IQGAP2: variants seen among roughly 807,000 people sequenced by gnomAD.
The protein encoded by IQGAP2 is ras GTPase-activating-like protein IQGAP2.
In IQGAP2, 173 loss-of-function variants were observed where a neutral mutation model predicts 201.3. The observed-to-expected ratio is 0.86, with a 90% CI of 0.76 to 0.98. The LOEUF (loss-of-function observed/expected upper bound fraction) is 0.98. Among genes scored for constraint, IQGAP2 ranks in the 50% least tolerant of loss-of-function variants. The pLI, the probability that IQGAP2 is intolerant of heterozygous loss-of-function variation, is 0.00. For missense variants in IQGAP2, 1,687 were observed against 1,864.8 expected (o/e 0.90, Z 1.76); for synonymous variants, 675 against 673.9 (o/e 1.00, Z -0.03).
chr5:76,482,823 A>G (rs1316980979), intron 2 of IQGAP2, among the ~76,000 whole-genome samples: 1 of 152,218 alleles, frequency 6.6e-6, no homozygotes, highest in Non-Finnish European at 1.5e-5. Flanking sequence ...TTCTCAAACA[A>G]TGTATGAACC....
At chr5:76,670,470 C>T (rs1465134234) in intron 23 of IQGAP2, among the ~76,000 whole-genome samples, 3 of 152,194 alleles carry the variant, frequency 2.0e-5, no homozygotes, top group African/African-American at 4.8e-5. Context: ...GCTGAGATCG[C>T]GCCACTGCAC....
intron 2 of IQGAP2, among the ~76,000 whole-genome samples, chr5:76,554,590 T>C (rs1475555504): frequency 1.3e-5 from 2 of 152,118 alleles, no homozygotes; most frequent in Non-Finnish European, 2.9e-5. Flanking sequence ...ATCAGGGAAA[T>C]GAAAATCAAA....
At chr5:76,635,556 T>A (rs951485188) in intron 15 of IQGAP2, among the ~76,000 whole-genome samples, 3 of 152,010 alleles carry the variant, frequency 2.0e-5, no homozygotes, top group African/African-American at 7.2e-5. Flanking sequence ...GAAAATATCA[T>A]AATTGGCTGG....
At chr5:76,522,595 GACTTA>G (rs1235841710) in intron 2 of IQGAP2, among the ~76,000 whole-genome samples, 1 of 152,166 alleles carries the variant, frequency 6.6e-6, no homozygotes, top group Non-Finnish European at 1.5e-5. Flanking sequence ...ATTGACAGCA[GACTTA>G]ACTTGAATGC....
intron 13 of IQGAP2, among the ~76,000 whole-genome samples, chr5:76,621,036 A>T (rs1360947834): frequency 6.6e-6 from 1 of 152,230 alleles, no homozygotes; most frequent in Non-Finnish European, 1.5e-5. Context: ...ATAGACTTCT[A>T]TGCCAAATAT....
chr5:76,425,956 T>C (rs1472286593), intron 1 of IQGAP2, among the ~76,000 whole-genome samples: 3 of 152,172 alleles, frequency 2.0e-5, no homozygotes, highest in East Asian at 3.9e-4. Context: ...ACTAACTTCA[T>C]GGATCAGTTT....
intron 14 of IQGAP2, among the ~76,000 whole-genome samples, chr5:76,630,895 T>C (rs1282008233): frequency 6.6e-6 from 1 of 152,200 alleles, no homozygotes; most frequent in African/African-American, 2.4e-5. Flanking sequence ...TTGCATGACT[T>C]TGACTCCAGG....
At position 76,520,056 on chromosome 5, in the gene IQGAP2, T is replaced by A. The variant is rs541925705; in HGVS notation, c.147-42340T>A. 2.2e-4 allele frequency among the ~76,000 whole-genome samples: 33 copies of A among 152,308 alleles called. No individual in the cohort carries two copies. The South Asian group carries it at 6.0e-3, about 28-fold the overall frequency. On this transcript the variant is annotated intron_variant, in intron 2 of 35. Transcript: ENST00000274364. ...TTTCAATAAAGTCCAATTTATCTTT[T>A]TTTTTTTCATTAATGGTTTGTGCTT...
At position 76,631,887 on chromosome 5, in the gene IQGAP2, GTGTT is replaced by G; in HGVS notation, c.1644_1647del (p.Cys548TrpfsTer13). ...TTACTCTGGTGGTTGATGTTAATCAGTGTTTGGAAGGAAAAAAATCAAGTGATAT... is the reference window on the plus strand; with the variant it reads ...TTACTCTGGTGGTTGATGTTAATCAGTGGAAGGAAAAAAATCAAGTGATAT... On this transcript the variant is annotated frameshift_variant, in exon 15 of 36. Transcript: ENST00000274364. LOFTEE classifies it high-confidence loss of function. The G allele has an allele frequency of 1.9e-6, 3 of 1,607,464 alleles. No homozygotes were observed. The highest frequency in any genetic ancestry group is 2.5e-6 in the Non-Finnish European group (3 of 1,176,728).
chr5:76,641,185 A>T (rs1751554262), intron 17 of IQGAP2, 82 bp downstream of exon 17: 1 of 1,071,902 alleles, frequency 9.3e-7, no homozygotes, highest in African/African-American at 1.6e-5. Context: ...ATAGTCAACT[A>T]CCAGCATTCC....
intron 2 of IQGAP2, among the ~76,000 whole-genome samples, chr5:76,480,312 TTC>T (rs1259157887): frequency 6.6e-6 from 1 of 152,196 alleles, no homozygotes; most frequent in African/African-American, 2.4e-5. Flanking sequence ...GGAGGTCCTC[TTC>T]TCTCAAACAT....
At chr5:76,438,645 G>A (rs1752857336) in intron 1 of IQGAP2, among the ~76,000 whole-genome samples, 1 of 152,012 alleles carries the variant, frequency 6.6e-6, no homozygotes, top group Non-Finnish European at 1.5e-5. Flanking sequence ...CTTTCACCAT[G>A]TTGGCCAGGA....
intron 1 of IQGAP2, among the ~76,000 whole-genome samples, chr5:76,417,504 C>T (rs768376324): frequency 6.6e-6 from 1 of 152,010 alleles, no homozygotes; most frequent in African/African-American, 2.4e-5. Flanking sequence ...AGGCAGGTCT[C>T]GAACTCCTTA....
chr5:76,605,367 TA>T (rs1747732104), intron 11 of IQGAP2, among the ~76,000 whole-genome samples: 1 of 152,198 alleles, frequency 6.6e-6, no homozygotes, highest in Non-Finnish European at 1.5e-5. Flanking sequence ...ATTTTAATTT[TA>T]TTTTTTTATG....
chr5:76,403,664 C>G lies in IQGAP2; in HGVS notation c.46+73C>G. On this transcript the variant is annotated intron_variant, in intron 1 of 35. Transcript: ENST00000274364. This position sits in a 1 kb window ranked among gnomAD's most constrained non-coding sequence, Gnocchi z 4.8. ...CTCCCCGAGGACGGCGTTGGAGAAG[C>G]CGAGGGAGCCGGTTGCGCGGCGCAG... 1.6e-6 allele frequency: 2 copies of G among 1,273,114 alleles called. No homozygotes were observed. The highest frequency in any genetic ancestry group is 2.1e-6 in the Non-Finnish European group (2 of 959,814). 78.9% of individuals were successfully genotyped at this position (1,273,114 alleles called of 1,614,324 possible).
chr5:76,662,460 A>G (rs1444852195), intron 21 of IQGAP2, among the ~76,000 whole-genome samples: 1 of 152,216 alleles, frequency 6.6e-6, no homozygotes, highest in Non-Finnish European at 1.5e-5. Flanking sequence ...GTCTGCAACA[A>G]AACAAAAAGC....
chr5:76,456,169 T>C (rs147412281), intron 1 of IQGAP2, among the ~76,000 whole-genome samples: 1 of 152,210 alleles, frequency 6.6e-6, no homozygotes, highest in African/African-American at 2.4e-5. Flanking sequence ...GGTAGGGATA[T>C]AGAAATGGAT....
rs1747386317 is a variant in IQGAP2, at chr5:76,600,909, T to C, written c.1169T>C (p.Val390Ala). ...TTGGAAAGCAACGATCTTGTGTCTGTGCAGAATCAACTCAGAAGCCCCGCA... is the reference window on the plus strand; with the variant it reads ...TTGGAAAGCAACGATCTTGTGTCTGCGCAGAATCAACTCAGAAGCCCCGCA... ...QALESNDLVS[V>A]QNQLRSPAIG... Residue 390 changes from valine (V) to alanine (A), a missense_variant, in exon 11 of 36, where the codon GTG becomes GCG. Val to Ala is a moderately conservative substitution (Grantham distance 64). Coordinates refer to ENST00000274364, the MANE Select transcript of IQGAP2 (RefSeq NM_006633.5). The C allele has an allele frequency of 6.2e-7, 1 of 1,614,012 alleles. No homozygotes were observed. Among genetic ancestry groups the C allele is most frequent in the Non-Finnish European group, 8.5e-7 (1 of 1,179,998 alleles).
At position 76,611,036 on chromosome 5, in the gene IQGAP2, G is replaced by A. The variant is rs1748358858; in HGVS notation, c.1374G>A (p.Gly458=). 3 of 1,612,852 alleles carry A rather than the reference G, an allele frequency of 1.9e-6. No individual in the cohort carries two copies. Among genetic ancestry groups the A allele is most frequent in the East Asian group, 4.5e-5 (2 of 44,858 alleles). The change falls in exon 13 of 36, where the codon GGG becomes GGA. Residue 458 remains glycine, a synonymous_variant. Coordinates refer to ENST00000274364, the MANE Select transcript of IQGAP2 (RefSeq NM_006633.5). ...ATTTTCTAGGAGTTGTAGCTGTAGG[G>A]TACATCAATGAAGCTATTGATGAAG... ...QEENDRVVAV[G]YINEAIDEGN...
Sources: gnomAD v4.1 joint callset for allele counts (sites outside exome capture counted in the v4.1 genomes callset) on GRCh38, gnomAD v4.1.1 for gene constraint, Gnocchi (gnomAD v3.1) non-coding constraint, MANE v1.5 for transcripts, NCBI Gene and HGNC (gene_info 2026-07-23, HGNC 2026-07-21) for gene names.